Variants in CECR2 observed in about 807,000 individuals in gnomAD.
The protein encoded by CECR2 is chromatin remodeling regulator CECR2.
A neutral mutation model predicts 154.5 loss-of-function variants in CECR2; 30 were observed. That is an observed-to-expected ratio of 0.19 (90% confidence interval 0.15 to 0.26). The LOEUF is 0.26. Among genes scored for constraint, CECR2 ranks in the 10% least tolerant of loss-of-function variants. CECR2 has a pLI of 1.00. For synonymous variants in CECR2, 725 were observed against 683.7 expected, an observed-to-expected ratio of 1.06 and a Z score of -0.94; for missense variants, 1,743 against 1,829.3, an observed-to-expected ratio of 0.95 and a Z score of 0.86.
At chr22:17,434,439 G>A (rs1309967906) in intron 1 of CECR2, among the ~76,000 whole-genome samples, 2 of 152,160 alleles carry the variant, frequency 1.3e-5, no homozygotes, top group African/African-American at 4.8e-5. Context: ...TCTGATGCAG[G>A]CAGTGCAAGA....
chr22:17,417,758 A>G (rs2054177357), intron 1 of CECR2, among the ~76,000 whole-genome samples: 1 of 152,056 alleles, frequency 6.6e-6, no homozygotes, highest in African/African-American at 2.4e-5. Flanking sequence ...AGCTGGGACT[A>G]TAGACACGTG....
At position 17,555,468 on chromosome 22, in the gene CECR2, T is replaced by C. The variant is rs2056762671; in HGVS notation, c.*2628T>C. ...CCTGAGCTTTCACTGGTCTTTGAAG[T>C]GCAGATCTGCTATAAGCTGTCTGGA... is the stretch of plus-strand genomic sequence containing the variant. On this transcript the variant is annotated 3_prime_UTR_variant, in exon 19 of 19. Coordinates refer to ENST00000262608, the MANE Select transcript of CECR2 (RefSeq NM_001290047.2). 2 of 152,206 alleles carry C rather than the reference T, an allele frequency of 1.3e-5. No individual in the cohort carries two copies. The highest frequency in any genetic ancestry group is 1.3e-4 in the Admixed American group (2 of 15,280). 9.4% of individuals were successfully genotyped at this position (152,206 alleles called of 1,614,324 possible).
At chr22:17,462,664 C>T (rs1421789286) in intron 1 of CECR2, among the ~76,000 whole-genome samples, 1 of 152,062 alleles carries the variant, frequency 6.6e-6, no homozygotes, top group Non-Finnish European at 1.5e-5. Context: ...GCCTGTAATC[C>T]CAGCACTTTG....
chr22:17,483,004 A>G (rs755270208), intron 2 of CECR2, among the ~76,000 whole-genome samples: 10 of 152,160 alleles, frequency 6.6e-5, no homozygotes, highest in African/African-American at 2.4e-4. Context: ...AAAGTTAACT[A>G]TAATATACAA....
intron 7 of CECR2, among the ~76,000 whole-genome samples, chr22:17,507,674 G>T (rs907520619): frequency 1.3e-5 from 2 of 152,116 alleles, no homozygotes; most frequent in African/African-American, 4.8e-5. Flanking sequence ...CTTTTCAAAA[G>T]GAGAAAAATT....
intron 1 of CECR2, among the ~76,000 whole-genome samples, chr22:17,441,972 C>G (rs2054591296): frequency 6.6e-6 from 1 of 152,152 alleles, no homozygotes; most frequent in South Asian, 2.1e-4. Context: ...ATGTTCTGAA[C>G]ATATTTCTCT....
intron 1 of CECR2, among the ~76,000 whole-genome samples, chr22:17,391,873 C>G (rs549318659): frequency 6.6e-6 from 1 of 152,332 alleles, no homozygotes; most frequent in South Asian, 2.1e-4. Flanking sequence ...GCAATCTCCG[C>G]TCACTGTAAC....
chr22:17,500,484 T>C (rs2055717272), intron 4 of CECR2, 147 bp from the exon 5 acceptor site: 2 of 598,526 alleles, frequency 3.3e-6, no homozygotes, highest in Admixed American at 3.0e-5. Flanking sequence ...AGTCTAATAA[T>C]GAAGACTGGA....
Position 17,504,998 on chromosome 22 carries a change from C to T in CECR2, c.852C>T (p.Cys284=), listed in dbSNP as rs1220027305. The T allele has an allele frequency of 1.2e-5, 19 of 1,613,460 alleles. No individual in the cohort carries two copies. The highest frequency in any genetic ancestry group is 1.5e-5 in the Non-Finnish European group (18 of 1,179,798). Residue 284 remains cysteine (C), a synonymous_variant, in exon 7 of 19, where the codon TGC becomes TGT. Transcript: ENST00000262608. The part of the protein sequence containing the change: ...LLSEDFLPEI[C]NMIAQKGKRP... Reference sequence around the variant, plus strand: ...GTGAGGACTTCCTGCCTGAGATCTGCAACATGATCGCCCAGAAGGTGCGCC... The same window carrying T: ...GTGAGGACTTCCTGCCTGAGATCTGTAACATGATCGCCCAGAAGGTGCGCC...
chr22:17,533,350 C>T (rs551586802), intron 9 of CECR2, among the ~76,000 whole-genome samples: 55 of 150,682 alleles, frequency 3.7e-4, no homozygotes, highest in African/African-American at 1.3e-3. Flanking sequence ...ATTATGATAG[C>T]TGGGCACAGT....
Position 17,554,009 on chromosome 22 carries a change from G to A in CECR2, c.*1169G>A, listed in dbSNP as rs142523239. ...ATTTCAGTATATATAGTTTTTATTC[G>A]TTTTAAGTGAATCATAGTAAAATCA... On this transcript the variant is annotated 3_prime_UTR_variant, in exon 19 of 19. Transcript: ENST00000262608. 10 of 152,258 alleles carry A rather than the reference G, an allele frequency of 6.6e-5. No homozygotes were observed. Among genetic ancestry groups the A allele is most frequent in the African/African-American group, 1.4e-4 (6 of 41,548 alleles). The allele number at this position is 152,258 out of a possible 1,614,324, so 9.4% of individuals were successfully genotyped here. A position where few individuals can be genotyped will look rare whatever the true frequency, so the allele number is the denominator to read the frequency against.
chr22:17,447,108 C>A (rs1007324953), intron 1 of CECR2, among the ~76,000 whole-genome samples: 1 of 143,944 alleles, frequency 6.9e-6, no homozygotes, highest in Non-Finnish European at 1.5e-5. Flanking sequence ...GATCTCTGCT[C>A]ACTGTAAGCT....
At chr22:17,377,188 T>G (rs756117319) in intron 1 of CECR2, among the ~76,000 whole-genome samples, 2 of 152,216 alleles carry the variant, frequency 1.3e-5, no homozygotes, top group Non-Finnish European at 2.9e-5. Flanking sequence ...TCTTACAAAT[T>G]AATTACGTAC....
intron 1 of CECR2, among the ~76,000 whole-genome samples, chr22:17,414,250 G>C (rs575952717): frequency 2.6e-5 from 4 of 152,324 alleles, no homozygotes; most frequent in South Asian, 2.1e-4. Flanking sequence ...GGGATTACAG[G>C]CGTGAGCCAC....
At chr22:17,447,185 C>A (rs887978118) in intron 1 of CECR2, among the ~76,000 whole-genome samples, 3 of 151,892 alleles carry the variant, frequency 2.0e-5, no homozygotes, top group Middle Eastern at 3.4e-3. Flanking sequence ...CAGGTGCTGG[C>A]CACCATGCCC....
intron 1 of CECR2, among the ~76,000 whole-genome samples, chr22:17,387,874 G>A (rs1360603897): frequency 2.6e-5 from 4 of 151,990 alleles, no homozygotes; most frequent in Non-Finnish European, 5.9e-5. Context: ...TCTAAGATAG[G>A]ATTAGTGTTT....
rs1310047090 is a variant in CECR2, at chr22:17,462,011, T to A, written c.127-15577T>A. ...TTTCACCATGTTGGTCAGGCTGATC[T>A]CGAACTCCTGACCTCGTGGTCCACC... is the stretch of plus-strand genomic sequence containing the variant. On this transcript the variant is annotated intron_variant, in intron 1 of 18. Coordinates refer to ENST00000262608, the MANE Select transcript of CECR2 (RefSeq NM_001290047.2). 3.3e-5 allele frequency among the ~76,000 whole-genome samples: 5 copies of A among 151,828 alleles called. No individual in the cohort carries two copies. In the East Asian group the frequency reaches 9.9e-4, roughly 30 times the overall value.
rs2056215486 is a variant in CECR2, at chr22:17,524,383, ATTTCTTT to A, written c.1108+116_1108+122del. ...CCATGCATCCAAGTTGTTTCCGGCAATTTCTTTTTTTTTTTTTTTTTTTTTTTGAGAC... is the reference window on the plus strand; with the variant it reads ...CCATGCATCCAAGTTGTTTCCGGCAATTTTTTTTTTTTTTTTTTTTGAGAC... On this transcript the variant is annotated intron_variant, in intron 9 of 18. Transcript: ENST00000262608. The A allele has an allele frequency of 1.1e-4, 70 of 666,488 alleles. No homozygotes were observed. In the African/African-American group the frequency reaches 1.5e-3, roughly 14 times the overall value. 41.3% of individuals were successfully genotyped at this position (666,488 alleles called of 1,614,324 possible). A position where few individuals can be genotyped will look rare whatever the true frequency, so the allele number is the denominator to read the frequency against.
chr22:17,394,611 C>T (rs1333526932), intron 1 of CECR2, among the ~76,000 whole-genome samples: 1 of 152,118 alleles, frequency 6.6e-6, no homozygotes, highest in East Asian at 1.9e-4. Context: ...GTGAGTCCTC[C>T]TCCTTTTTCA....
Sources: gnomAD v4.1 joint callset for allele counts (sites outside exome capture counted in the v4.1 genomes callset) on GRCh38, gnomAD v4.1.1 for gene constraint, MANE v1.5 for transcripts, NCBI Gene and HGNC (gene_info 2026-07-23, HGNC 2026-07-21) for gene names.